SLC24A3: variants seen among roughly 807,000 people sequenced by gnomAD.
SLC24A3 encodes solute carrier family 24 member 3, also known as sodium/potassium/calcium exchanger 3.
Under a neutral mutation model 75.8 loss-of-function variants are expected in SLC24A3, and 28 were observed. That is an observed-to-expected ratio of 0.37 (90% CI 0.27 to 0.51). The LOEUF (loss-of-function observed/expected upper bound fraction) is 0.51. Among genes scored for constraint, SLC24A3 ranks in the 20% least tolerant of loss-of-function variants. The pLI, the probability that SLC24A3 is intolerant of heterozygous loss-of-function variation, is 0.94. For missense variants in SLC24A3, 663 were observed against 847.8 expected, an observed-to-expected ratio of 0.78 and a Z score of 2.71; for synonymous variants, 372 against 334.1, an observed-to-expected ratio of 1.11 and a Z score of -1.24.
chr20:19,634,631 G>T (rs2031977315), intron 6 of SLC24A3, among the ~76,000 whole-genome samples: 1 of 152,278 alleles, frequency 6.6e-6, no homozygotes, highest in South Asian at 2.1e-4. Context: ...TATGCTGAGT[G>T]AAAGAAGCAA....
Position 19,704,685 on chromosome 20 carries a change from G to A in SLC24A3, c.1719+6005G>A, listed in dbSNP as rs371279593. Among the ~76,000 whole-genome samples, 7 of 152,286 alleles carry A rather than the reference G, an allele frequency of 4.6e-5. No homozygotes were observed. The East Asian group carries it at 1.2e-3, about 25-fold the overall frequency. On this transcript the variant is annotated intron_variant, in intron 15 of 16. Coordinates refer to ENST00000328041, the MANE Select transcript of SLC24A3 (RefSeq NM_020689.4). Reference sequence around the variant, plus strand: ...TTAAGTTCTGTGTGGAGTCATGAGTGACAAGAGCCAGCCATGGGAAGAGAG... The same window carrying A: ...TTAAGTTCTGTGTGGAGTCATGAGTAACAAGAGCCAGCCATGGGAAGAGAG...
chr20:19,383,877 T>G (rs1986225644), intron 2 of SLC24A3, among the ~76,000 whole-genome samples: 1 of 152,138 alleles, frequency 6.6e-6, no homozygotes, highest in South Asian at 2.1e-4. Flanking sequence ...CCTCTTAACC[T>G]AATTACCTCC....
intron 6 of SLC24A3, among the ~76,000 whole-genome samples, chr20:19,605,684 G>A (rs974339933): frequency 5.9e-5 from 9 of 152,100 alleles, no homozygotes; most frequent in African/African-American, 1.7e-4. Context: ...ATTTTTCGAC[G>A]TCTTCCCCAG....
intron 2 of SLC24A3, among the ~76,000 whole-genome samples, chr20:19,513,864 C>T (rs748977456): frequency 2.0e-5 from 3 of 151,854 alleles, no homozygotes; most frequent in Non-Finnish European, 2.9e-5. Context: ...AGTTCATTAA[C>T]GTATCCATTA....
At chr20:19,417,962 A>G (rs945382747) in intron 2 of SLC24A3, among the ~76,000 whole-genome samples, 1 of 152,336 alleles carries the variant, frequency 6.6e-6, no homozygotes, top group South Asian at 2.1e-4. Flanking sequence ...CAATCTGCTC[A>G]AAACAAAAGG....
rs1389889303 is a variant in SLC24A3, at chr20:19,264,738, A to AAC, written c.143-16220_143-16219insCA. On this transcript the variant is annotated intron_variant, in intron 1 of 16. Coordinates refer to ENST00000328041, the MANE Select transcript of SLC24A3 (RefSeq NM_020689.4). Reference sequence around the variant, plus strand: ...AGCGAGACTCCATCTCAAAAAAAAAAAAAAAAACAAAACAAAAACGTGCAG... The same window carrying AAC: ...AGCGAGACTCCATCTCAAAAAAAAAAACAAAAAAACAAAACAAAAACGTGCAG... Among the ~76,000 whole-genome samples the AAC allele has an allele frequency of 2.6e-5, 4 of 151,116 alleles. No individual in the cohort carries two copies. In the East Asian group the frequency reaches 5.8e-4, roughly 22 times the overall value.
At chr20:19,593,413 G>A (rs976089165) in intron 6 of SLC24A3, among the ~76,000 whole-genome samples, 1 of 152,246 alleles carries the variant, frequency 6.6e-6, no homozygotes, top group Non-Finnish European at 1.5e-5. Flanking sequence ...ACAAAAGCCA[G>A]TCAGGCTGGC....
intron 2 of SLC24A3, among the ~76,000 whole-genome samples, chr20:19,449,270 C>T (rs1326966894): frequency 2.6e-5 from 4 of 152,152 alleles, no homozygotes; most frequent in South Asian, 2.1e-4. Context: ...AGCAGCTTTG[C>T]GAGGCTTTGG....
At chr20:19,475,820 T>G (rs6046126) in intron 2 of SLC24A3, among the ~76,000 whole-genome samples, 89,460 of 152,014 alleles carry the variant, frequency 0.59, 26,547 homozygotes, top group East Asian at 0.72. Context: ...GAAAATATTC[T>G]GATGGAGAGC....
chr20:19,218,956 G>T (rs909000706), intron 1 of SLC24A3, among the ~76,000 whole-genome samples: 6 of 152,110 alleles, frequency 3.9e-5, no homozygotes, highest in Non-Finnish European at 8.8e-5. Flanking sequence ...AATGGGTTAT[G>T]CTGCCAGGAA....
At chr20:19,617,321 G>A (rs1325623559) in intron 6 of SLC24A3, among the ~76,000 whole-genome samples, 1 of 152,202 alleles carries the variant, frequency 6.6e-6, no homozygotes, top group Non-Finnish European at 1.5e-5. Context: ...AGAAGGACAA[G>A]GACAGCATGC....
intron 2 of SLC24A3, among the ~76,000 whole-genome samples, chr20:19,343,088 AAAAG>A (rs1568594821): frequency 2.0e-5 from 3 of 147,184 alleles, no homozygotes; most frequent in African/African-American, 5.3e-5. Context: ...AAAAAAAGAA[AAAAG>A]AAAAAGAAAA....
At chr20:19,708,586 C>T (rs2032954399) in intron 15 of SLC24A3, among the ~76,000 whole-genome samples, 2 of 152,194 alleles carry the variant, frequency 1.3e-5, no homozygotes, top group African/African-American at 4.8e-5. Context: ...TTCATAGCTT[C>T]CTCTGGCGAT....
Position 19,642,869 on chromosome 20 carries a change from C to G in SLC24A3, c.613-11193C>G, listed in dbSNP as rs1214294448. The stretch of plus-strand genomic sequence containing the variant: ...CTTTATTGTCCAACACAGATCAAAC[C>G]TAGATGTGTTATTGATGTGGTACTT... On this transcript the variant is annotated intron_variant, in intron 6 of 16. Transcript: ENST00000328041. 2.0e-5 allele frequency among the ~76,000 whole-genome samples: 3 copies of G among 152,192 alleles called. No individual in the cohort carries two copies. The South Asian group carries it at 6.2e-4, about 32-fold the overall frequency.
chr20:19,578,587 T>C (rs2031174886), intron 3 of SLC24A3, among the ~76,000 whole-genome samples: 2 of 151,972 alleles, frequency 1.3e-5, no homozygotes, highest in African/African-American at 2.4e-5. Flanking sequence ...TCTATGGCTA[T>C]ACTGGGTCAT....
At chr20:19,561,028 G>A (rs1313272027) in intron 3 of SLC24A3, among the ~76,000 whole-genome samples, 1 of 152,180 alleles carries the variant, frequency 6.6e-6, no homozygotes, top group East Asian at 1.9e-4. Context: ...CTATCTCACT[G>A]TGGTAGCATC....
chr20:19,418,490 CTG>C (rs1278092018), intron 2 of SLC24A3, among the ~76,000 whole-genome samples: 4 of 152,012 alleles, frequency 2.6e-5, no homozygotes, highest in Admixed American at 6.5e-5. Flanking sequence ...GAGGACTGGT[CTG>C]TGCAATCTAA....
intron 12 of SLC24A3, among the ~76,000 whole-genome samples, chr20:19,686,197 A>C (rs895066352): frequency 6.6e-6 from 1 of 152,158 alleles, no homozygotes; most frequent in South Asian, 2.1e-4. Context: ...TTGGTGCACA[A>C]AAGGAGAGGC....
Position 19,235,198 on chromosome 20 carries a change from G to T in SLC24A3, c.142+22214G>T, listed in dbSNP as rs796176935. 2.6e-5 allele frequency among the ~76,000 whole-genome samples: 4 copies of T among 152,302 alleles called. 1 individual carries two copies. The highest frequency in any genetic ancestry group is 9.6e-5 in the African/African-American group (4 of 41,566). ...TTGTTTGAGTGGGACTGAGACCCTG[G>T]CCTGGAGCTGTAGCTGCTTGGAGCA... is the stretch of plus-strand genomic sequence containing the variant. On this transcript the variant is annotated intron_variant, in intron 1 of 16. Coordinates refer to ENST00000328041, the MANE Select transcript of SLC24A3 (RefSeq NM_020689.4).
Sources: allele counts gnomAD v4.1 joint callset (sites outside exome capture counted in the v4.1 genomes callset), GRCh38; gene constraint gnomAD v4.1.1; transcripts MANE v1.5; gene names NCBI Gene and HGNC (gene_info 2026-07-23, HGNC 2026-07-21).